ZNF540: variants seen among roughly 807,000 people sequenced by gnomAD.
ZNF540 encodes CTD-3064H18.6.
ZNF540 carries 3 observed loss-of-function variants against 11.8 expected under a neutral mutation model. That is an observed-to-expected ratio of 0.25 (90% confidence interval 0.12 to 0.65). The LOEUF is 0.65. ZNF540 is among the 30% of genes least tolerant of loss of function. The probability of loss-of-function intolerance (pLI) is 0.83; values close to 1 mark genes in which losing one functional copy is unlikely to be tolerated. For missense variants in ZNF540, 709 were observed against 793.1 expected (o/e 0.89, Z 1.27); for synonymous variants, 247 against 259.0 (o/e 0.95, Z 0.45).
chr19:37,577,833 G>T (rs576183513), intron 1 of ZNF540, among the ~76,000 whole-genome samples: 2 of 152,280 alleles, frequency 1.3e-5, no homozygotes, highest in African/African-American at 4.8e-5. Context: ...AAACAAAGTC[G>T]GAAGTAAATA....
chr19:37,568,037 T>C (rs2042922475), intron 1 of ZNF540, among the ~76,000 whole-genome samples: 1 of 152,170 alleles, frequency 6.6e-6, no homozygotes, highest in Non-Finnish European at 1.5e-5. Context: ...AGTGACAAGT[T>C]TACACAATAA....
intron 2 of ZNF540, among the ~76,000 whole-genome samples, chr19:37,599,016 T>C (rs1247012967): frequency 6.6e-6 from 1 of 152,158 alleles, no homozygotes. Context: ...AAAGAAGGTG[T>C]GTAGTACTTA....
rs187000954 is a variant in ZNF540, at chr19:37,606,951, G to T, written c.233-4562G>T. On this transcript the variant is annotated intron_variant, in intron 4 of 4. Transcript: ENST00000316433. ...TTATGAATTGTGCTTTTGTATTGAA[G>T]AACTCTTTTTCTCATACAAGGACAC... is the stretch of plus-strand genomic sequence containing the variant. Among the ~76,000 whole-genome samples, 531 of 151,646 alleles carry T rather than the reference G, an allele frequency of 3.5e-3. 1 individual carries two copies. The highest frequency in any genetic ancestry group is 0.012 in the African/African-American group (510 of 41,370).
intron 1 of ZNF540, among the ~76,000 whole-genome samples, chr19:37,577,387 C>T (rs1405280657): frequency 6.6e-6 from 1 of 152,144 alleles, no homozygotes; most frequent in Non-Finnish European, 1.5e-5. Context: ...CCCAAATCAA[C>T]AGAACCTAAC....
intron 1 of ZNF540, chr19:37,575,680 G>C (rs1230918986): frequency 1.8e-4 from 28 of 152,138 alleles, no homozygotes; most frequent in Admixed American, 1.8e-3. Context: ...AGACATCTTG[G>C]TGGACTAATG....
chr19:37,581,068 T>C (rs936321646), intron 1 of ZNF540, among the ~76,000 whole-genome samples: 1 of 152,230 alleles, frequency 6.6e-6, no homozygotes, highest in African/African-American at 2.4e-5. Context: ...ATTTTTGAAA[T>C]ATGCCTATTC....
At position 37,611,617 on chromosome 19, in the gene ZNF540, C is replaced by G; in HGVS notation, c.337C>G (p.Leu113Val). 1 of 1,613,908 alleles carries G rather than the reference C, an allele frequency of 6.2e-7. No individual in the cohort carries two copies. Among genetic ancestry groups the G allele is most frequent in the Non-Finnish European group, 8.5e-7 (1 of 1,179,916 alleles). The change falls in exon 5 of 5, where the codon CTG becomes GTG. Residue 113 changes from leucine (L) to valine (V), a missense_variant. By Grantham distance (32) the Leu-to-Val change is conservative (BLOSUM62 1). Coordinates refer to ENST00000316433, the MANE Select transcript of ZNF540 (RefSeq NM_001172225.3). ...AATAGAAAAAAGTAAAACTCTTCGT[C>G]TGAAAGGATCCATTTTTAGAAATGA... ...SIIEKSKTLR[L>V]KGSIFRNEWQ...
intron 4 of ZNF540, among the ~76,000 whole-genome samples, chr19:37,607,261 A>C (rs2044092602): frequency 6.6e-6 from 1 of 152,142 alleles, no homozygotes; most frequent in Admixed American, 6.6e-5. Context: ...CCCAACTACC[A>C]ACAATCCACA....
At chr19:37,572,993 C>T (rs115066343) in intron 1 of ZNF540, among the ~76,000 whole-genome samples, 28 of 152,260 alleles carry the variant, frequency 1.8e-4, no homozygotes, top group African/African-American at 6.5e-4. Flanking sequence ...GTACTAGTAG[C>T]TTCTTTCATC....
chr19:37,608,933 G>A (rs1291846399), intron 4 of ZNF540, among the ~76,000 whole-genome samples: 5 of 152,042 alleles, frequency 3.3e-5, no homozygotes, highest in African/African-American at 9.7e-5. Flanking sequence ...GAGCCACTGC[G>A]CCCGGCCAGT....
At chr19:37,552,947 G>A (rs894119778) in intron 1 of ZNF540, among the ~76,000 whole-genome samples, 2 of 149,950 alleles carry the variant, frequency 1.3e-5, no homozygotes, top group East Asian at 1.9e-4. Context: ...ACTCTGTCTC[G>A]AACAAAAAAA....
intron 1 of ZNF540, among the ~76,000 whole-genome samples, chr19:37,557,586 G>A (rs1600441098): frequency 6.6e-6 from 1 of 152,172 alleles, no homozygotes; most frequent in Non-Finnish European, 1.5e-5. Flanking sequence ...AGCTGCTACC[G>A]TCTGTGAACA....
At chr19:37,604,069 G>T (rs967347755) in intron 4 of ZNF540, among the ~76,000 whole-genome samples, 1 of 151,670 alleles carries the variant, frequency 6.6e-6, no homozygotes, top group Non-Finnish European at 1.5e-5. Context: ...CTCTTTTCTC[G>T]AGTAGCTAAA....
chr19:37,591,605 C>T (rs1203240705), upstream of ZNF540, among the ~76,000 whole-genome samples: 4 of 152,158 alleles, frequency 2.6e-5, no homozygotes, highest in Admixed American at 2.0e-4. Flanking sequence ...AGTGCAATGG[C>T]GCAATCTCGG....
upstream of ZNF540, chr19:37,594,128 A>G (rs1287297352): frequency 1.3e-5 from 2 of 152,240 alleles, no homozygotes; most frequent in African/African-American, 4.8e-5. Context: ...CTGTCAAGCT[A>G]GAATAGGACA....
chr19:37,606,619 A>G (rs2044087599), intron 4 of ZNF540, among the ~76,000 whole-genome samples: 1 of 152,056 alleles, frequency 6.6e-6, no homozygotes, highest in African/African-American at 2.4e-5. Flanking sequence ...CAGCCATTCC[A>G]GTGTGTGTGT....
intron 1 of ZNF540, among the ~76,000 whole-genome samples, chr19:37,568,699 C>T (rs1038147668): frequency 5.9e-5 from 9 of 151,908 alleles, no homozygotes; most frequent in South Asian, 2.1e-4. Flanking sequence ...ATGAGGAGTA[C>T]ATATAAAAAT....
At position 37,553,113 on chromosome 19, in the gene ZNF540, C is replaced by CTTTTTTTTTTT. The variant is rs746114598; in HGVS notation, c.-73+1476_-73+1486dup. On this transcript the variant is annotated intron_variant, in intron 1 of 4. Transcript: ENST00000592533. The stretch of plus-strand genomic sequence containing the variant: ...AATCTTTTTTTATATAACCTAACAT[C>CTTTTTTTTTTT]TTTTTTTTTTTTTTTTTTTTTTTTT... Among the ~76,000 whole-genome samples the CTTTTTTTTTTT allele has an allele frequency of 1.2e-4, 4 of 33,098 alleles. 1 individual carries two copies. Among genetic ancestry groups the CTTTTTTTTTTT allele is most frequent in the Non-Finnish European group, 2.2e-4 (4 of 18,168 alleles). 21.7% of individuals were successfully genotyped at this position (33,098 alleles called of 152,430 possible). A position where few individuals can be genotyped will look rare whatever the true frequency, so the allele number is the denominator to read the frequency against.
At position 37,612,787 on chromosome 19, in the gene ZNF540, A is replaced by T. The variant is rs775380034; in HGVS notation, c.1507A>T (p.Thr503Ser). 2 of 1,614,046 alleles carry T rather than the reference A, an allele frequency of 1.2e-6. No individual in the cohort carries two copies. The highest frequency in any genetic ancestry group is 3.3e-5 in the Admixed American group (2 of 60,014). Residue 503 changes from threonine (T) to serine (S), a missense_variant, in exon 5 of 5, where the codon ACC becomes TCC. Thr to Ser is a moderately conservative substitution (Grantham distance 58). Transcript: ENST00000316433. The stretch of plus-strand genomic sequence containing the variant: ...CTACAAATGTGTACGATGTGGGAAG[A>T]CCTTTAGATTTGGTTTCTACCTTAC... ...KPYKCVRCGK[T>S]FRFGFYLTEH...
Sources: allele counts gnomAD v4.1 joint callset (sites outside exome capture counted in the v4.1 genomes callset), GRCh38; gene constraint gnomAD v4.1.1; transcripts MANE v1.5; gene names NCBI Gene and HGNC (gene_info 2026-07-23, HGNC 2026-07-21).